The following NVL variants were observed in gnomAD, a reference collection of about 807,000 sequenced individuals.
NVL encodes the protein nuclear valosin-containing protein-like.
Under a neutral mutation model 110.2 loss-of-function variants are expected in NVL, and 84 were observed. That is an observed-to-expected ratio of 0.76 (90% CI 0.64 to 0.91). NVL has a LOEUF of 0.91. Ranked by LOEUF, NVL falls within the 40% of genes least tolerant of loss-of-function variation. The pLI, the probability that NVL is intolerant of heterozygous loss-of-function variation, is 0.00. For missense variants in NVL, 882 were observed against 1,035.9 expected, an observed-to-expected ratio of 0.85 and a Z score of 2.04; for synonymous variants, 354 against 361.1, an observed-to-expected ratio of 0.98 and a Z score of 0.22.
At chr1:224,285,537 G>A (rs1347100485) in intron 15 of NVL, among the ~76,000 whole-genome samples, 1 of 152,172 alleles carries the variant, frequency 6.6e-6, no homozygotes, top group Non-Finnish European at 1.5e-5. Flanking sequence ...AAAAATATCT[G>A]AAGGATTGAC....
chr1:224,236,558 C>T lies in NVL; in HGVS notation c.2314G>A (p.Ala772Thr), dbSNP rs753155888. The T allele has an allele frequency of 4.3e-6, 7 of 1,613,790 alleles. No homozygotes were observed. The highest frequency in any genetic ancestry group is 8.5e-7 in the Non-Finnish European group (1 of 1,179,784). The change falls in exon 20 of 23, where the codon GCA becomes ACA. Residue 772 changes from alanine to threonine, a missense_variant. By Grantham distance (58) the Ala-to-Thr change is moderately conservative. Coordinates refer to ENST00000281701, the MANE Select transcript of NVL (RefSeq NM_002533.4). ...TKNGTKPPLD[A>T]DVNLEAIAGD... ...GCAATTGCTTCCAAATTTACATCTG[C>T]ATCCAGTGGTGGTTTGGTACCATTC...
At chr1:224,291,931 C>CT (rs1667419837) in intron 12 of NVL, among the ~76,000 whole-genome samples, 1 of 152,216 alleles carries the variant, frequency 6.6e-6, no homozygotes, top group Admixed American at 6.5e-5. Context: ...AAAGCTACCA[C>CT]TGTTCTAGCT....
At chr1:224,244,961 C>T (rs944510729) in intron 19 of NVL, among the ~76,000 whole-genome samples, 24 of 152,316 alleles carry the variant, frequency 1.6e-4, no homozygotes, top group African/African-American at 5.5e-4. Flanking sequence ...GCTGGGATTA[C>T]AGGTGTGAGC....
At chr1:224,279,452 CAA>C (rs1373251998) in intron 16 of NVL, among the ~76,000 whole-genome samples, 3 of 151,982 alleles carry the variant, frequency 2.0e-5, no homozygotes, top group Non-Finnish European at 4.4e-5. Flanking sequence ...AAACAAAAAC[CAA>C]AAAACTCAAC....
intron 18 of NVL, among the ~76,000 whole-genome samples, chr1:224,256,588 T>A (rs994379358): frequency 5.9e-5 from 9 of 152,256 alleles, no homozygotes; most frequent in African/African-American, 1.7e-4. Context: ...AATATCACAC[T>A]TAATATTATG....
chr1:224,269,690 C>A (rs1664857226), intron 17 of NVL: 1 of 151,892 alleles, frequency 6.6e-6, no homozygotes, highest in African/African-American at 2.4e-5. Flanking sequence ...AATTGCTTTT[C>A]TTCACCATAA....
At position 224,303,866 on chromosome 1, in the gene NVL, G is replaced by C. The variant is rs760462329; in HGVS notation, c.826-9C>G. ...AGCATCTTGCAGACCTCCTAGCAGA[G>C]GATAAGCACAAAGATGTCTTTCAAG... On this transcript the variant is annotated splice_polypyrimidine_tract_variant and intron_variant, in intron 8 of 22. Transcript: ENST00000281701. 23 of 1,598,032 alleles carry C rather than the reference G, an allele frequency of 1.4e-5. No individual in the cohort carries two copies. Among genetic ancestry groups the C allele is most frequent in the Non-Finnish European group, 1.9e-5 (22 of 1,172,286 alleles).
At chr1:224,295,917 A>G (rs1434858744) in intron 11 of NVL, among the ~76,000 whole-genome samples, 1 of 147,682 alleles carries the variant, frequency 6.8e-6, no homozygotes, top group Non-Finnish European at 1.5e-5. Flanking sequence ...GCGAGTTGAG[A>G]TCATGCCAGT....
intron 10 of NVL, among the ~76,000 whole-genome samples, chr1:224,299,644 C>T (rs1381431694): frequency 3.9e-5 from 6 of 152,172 alleles, no homozygotes; most frequent in African/African-American, 1.2e-4. Flanking sequence ...TCTGGCTATG[C>T]GTGCCAATTT....
At chr1:224,238,319 C>T (rs938135123) in intron 19 of NVL, among the ~76,000 whole-genome samples, 20 of 152,180 alleles carry the variant, frequency 1.3e-4, no homozygotes, top group African/African-American at 3.6e-4. Flanking sequence ...AGGTGAGGGC[C>T]ACAGCACCTG....
In NVL at chr1:224,228,755, T is replaced by G. The variant is rs567534246; in HGVS notation, c.2527-1085A>C. ...GAGATCGAGACCATCCTGGCTAACA[T>G]GGTGAAACCCTGTCTCTACAAAAAT... On this transcript the variant is annotated intron_variant, in intron 22 of 22. Transcript: ENST00000281701. Among the ~76,000 whole-genome samples the G allele has an allele frequency of 4.1e-5, 6 of 147,132 alleles. No homozygotes were observed. In the South Asian group the frequency reaches 1.1e-3, roughly 27 times the overall value.
At position 224,320,825 on chromosome 1, in the gene NVL, T is replaced by C. The variant is rs115344187; in HGVS notation, c.132-2895A>G. 9.6e-3 allele frequency among the ~76,000 whole-genome samples: 1,465 copies of C among 152,076 alleles called. 25 individuals are homozygous for C. Among genetic ancestry groups the C allele is most frequent in the African/African-American group, 0.033 (1,358 of 41,496 alleles). On this transcript the variant is annotated intron_variant, in intron 2 of 22. Coordinates refer to ENST00000281701, the MANE Select transcript of NVL (RefSeq NM_002533.4). ...CCAGCACACCTAGTTAATTTTTTGA[T>C]TTTTTTTGCAGAGATGGGGGTCTCA... is the stretch of plus-strand genomic sequence containing the variant.
Position 224,323,424 on chromosome 1 carries a change from G to C in NVL, c.131+2967C>G, listed in dbSNP as rs531770233. Among the ~76,000 whole-genome samples the C allele has an allele frequency of 5.9e-5, 9 of 152,224 alleles. No individual in the cohort carries two copies. The East Asian group carries it at 1.5e-3, about 26-fold the overall frequency. ...ATCTAAAGAGAACATCAAGGGTGTGGGGGGACAACAATTTGCTAAAGCGAT... is the reference window on the plus strand; with the variant it reads ...ATCTAAAGAGAACATCAAGGGTGTGCGGGGACAACAATTTGCTAAAGCGAT... On this transcript the variant is annotated intron_variant, in intron 2 of 22. Coordinates refer to ENST00000281701, the MANE Select transcript of NVL (RefSeq NM_002533.4).
chr1:224,321,571 T>C (rs1439524695), intron 2 of NVL, among the ~76,000 whole-genome samples: 1 of 151,952 alleles, frequency 6.6e-6, no homozygotes, highest in Non-Finnish European at 1.5e-5. Context: ...ACAAAAATTA[T>C]TTTTAGTAAT....
At position 224,281,075 on chromosome 1, in the gene NVL, C is replaced by T. The variant is rs776472583; in HGVS notation, c.1962+48G>A. The T allele has an allele frequency of 2.0e-6, 3 of 1,487,774 alleles. No individual in the cohort carries two copies. In the South Asian group the frequency reaches 3.4e-5, roughly 17 times the overall value. The allele number at this position is 1,487,774 out of a possible 1,614,324, so 92.2% of individuals were successfully genotyped here. The stretch of plus-strand genomic sequence containing the variant: ...ACATTTTACCCCGTAATTTGCATGA[C>T]CATTACTTTTTCTAATCTAAAATAA... On this transcript the variant is annotated intron_variant, in intron 16 of 22. Coordinates refer to ENST00000281701, the MANE Select transcript of NVL (RefSeq NM_002533.4).
Position 224,289,360 on chromosome 1 carries a change from T to C in NVL, c.1575+124A>G. 5.5e-6 allele frequency: 5 copies of C among 908,148 alleles called. No individual in the cohort carries two copies. The South Asian group carries it at 8.9e-5, about 16-fold the overall frequency. The allele number at this position is 908,148 out of a possible 1,614,324, so 56.3% of individuals were successfully genotyped here. On this transcript the variant is annotated intron_variant, in intron 13 of 22. Transcript: ENST00000281701. ...ACATCGTGGGTATAAATGATAAGTATTCTATAGATTAAATGCCAATAAAAC... is the reference window on the plus strand; with the variant it reads ...ACATCGTGGGTATAAATGATAAGTACTCTATAGATTAAATGCCAATAAAAC...
At chr1:224,293,345 A>C (rs578183705) in intron 12 of NVL, among the ~76,000 whole-genome samples, 1 of 152,324 alleles carries the variant, frequency 6.6e-6, no homozygotes, top group East Asian at 1.9e-4. Context: ...CAGGGATTAC[A>C]GGCGTGAGCC....
chr1:224,313,172 A>AC (rs1553335838), intron 4 of NVL: 58 of 276,952 alleles, frequency 2.1e-4, no homozygotes, highest in Middle Eastern at 1.5e-3. Flanking sequence ...AAAAAAAAAA[A>AC]AAAAAAAACA....
intron 2 of NVL, 44 bp from the exon 3 acceptor site, chr1:224,317,974 A>G (rs775419821): frequency 7.5e-7 from 1 of 1,340,842 alleles, no homozygotes; most frequent in Non-Finnish European, 1.0e-6. Context: ...GTCTCCACCA[A>G]TATTTTTCCA....
Sources: allele counts gnomAD v4.1 joint callset (sites outside exome capture counted in the v4.1 genomes callset), GRCh38; gene constraint gnomAD v4.1.1; transcripts MANE v1.5; gene names NCBI Gene and HGNC (gene_info 2026-07-23, HGNC 2026-07-21).